Variants in ANKIB1 observed in about 807,000 individuals in gnomAD.
ANKIB1 encodes the protein ankyrin repeat and IBR domain containing 1, also known as ankyrin repeat and IBR domain-containing protein 1.
A neutral mutation model predicts 122.1 loss-of-function variants in ANKIB1; 43 were observed. The ratio of observed to expected loss-of-function variants is 0.35; its 90% CI spans 0.28 to 0.45. The LOEUF (loss-of-function observed/expected upper bound fraction) is 0.45. Among genes scored for constraint, ANKIB1 ranks in the 20% least tolerant of loss-of-function variants. ANKIB1 has a pLI of 1.00. For synonymous variants in ANKIB1, 390 were observed against 442.0 expected (o/e 0.88, Z 1.48); for missense variants, 992 against 1,329.5 (o/e 0.75, Z 3.95).
intron 9 of ANKIB1, among the ~76,000 whole-genome samples, chr7:92,353,878 T>G (rs1053265042): frequency 6.6e-6 from 1 of 152,186 alleles, no homozygotes; most frequent in African/African-American, 2.4e-5. Context: ...ACTGGAATCC[T>G]GGTTGAAAAA....
At chr7:92,329,464 G>C (rs1242755180) in intron 5 of ANKIB1, among the ~76,000 whole-genome samples, 1 of 152,204 alleles carries the variant, frequency 6.6e-6, no homozygotes, top group African/African-American at 2.4e-5. Context: ...AGTCTACCAA[G>C]TGGACCATTC....
chr7:92,301,020 G>A (rs950752032), intron 2 of ANKIB1, among the ~76,000 whole-genome samples: 1 of 152,022 alleles, frequency 6.6e-6, no homozygotes, highest in Middle Eastern at 3.2e-3. Flanking sequence ...GAAAATGGCA[G>A]GATTTCCTTC....
At chr7:92,364,100 G>T (rs928048152) in intron 10 of ANKIB1, among the ~76,000 whole-genome samples, 1 of 151,948 alleles carries the variant, frequency 6.6e-6, no homozygotes, top group South Asian at 2.1e-4. Context: ...TTGAGGTCTG[G>T]AGTTCAAGAC....
chr7:92,378,776 G>C (rs1464292170), intron 11 of ANKIB1, among the ~76,000 whole-genome samples: 1 of 152,178 alleles, frequency 6.6e-6, no homozygotes, highest in Non-Finnish European at 1.5e-5. Context: ...TGACGTGATT[G>C]TATACCTAGA....
intron 1 of ANKIB1, among the ~76,000 whole-genome samples, chr7:92,286,252 T>G (rs1684180366): frequency 6.6e-6 from 1 of 152,150 alleles, no homozygotes; most frequent in Non-Finnish European, 1.5e-5. Context: ...CCCACTTCCT[T>G]TGTCTCTTCT....
Position 92,400,302 on chromosome 7 carries a change from G to A in ANKIB1, c.*1353G>A, listed in dbSNP as rs184789951. The stretch of plus-strand genomic sequence containing the variant: ...CTAGTTATCAGTGTCTTACTGTGAA[G>A]AAAATACTGGTCTTAGTTGTAATTA... On this transcript the variant is annotated 3_prime_UTR_variant, in exon 20 of 20. Transcript: ENST00000265742. The A allele has an allele frequency of 6.4e-4, 98 of 152,318 alleles. No individual in the cohort carries two copies. Among genetic ancestry groups the A allele is most frequent in the African/African-American group, 2.2e-3 (93 of 41,576 alleles). The allele number at this position is 152,318 out of a possible 1,614,324, so 9.4% of individuals were successfully genotyped here.
chr7:92,322,132 G>GTAA (rs2131951835), intron 4 of ANKIB1, among the ~76,000 whole-genome samples: 1 of 152,180 alleles, frequency 6.6e-6, no homozygotes, highest in South Asian at 2.1e-4. Context: ...AATTTTTACT[G>GTAA]TAATAATTAG....
chr7:92,270,141 C>T (rs1801757126), intron 1 of ANKIB1, among the ~76,000 whole-genome samples: 2 of 152,286 alleles, frequency 1.3e-5, no homozygotes, highest in African/African-American at 4.8e-5. Flanking sequence ...CAGCTTACTA[C>T]AGCCTCGACT....
At chr7:92,262,185 T>A (rs1181723380) in intron 1 of ANKIB1, among the ~76,000 whole-genome samples, 1 of 152,204 alleles carries the variant, frequency 6.6e-6, no homozygotes, top group East Asian at 1.9e-4. Context: ...CCCTCCTAAA[T>A]GTAACTGTTA....
intron 1 of ANKIB1, among the ~76,000 whole-genome samples, chr7:92,277,327 G>A (rs534204854): frequency 2.1e-4 from 32 of 152,194 alleles, no homozygotes; most frequent in Non-Finnish European, 3.7e-4. Context: ...GACAGTCCTT[G>A]ACTTAATGAT....
At chr7:92,343,308 C>A in intron 6 of ANKIB1, 76 bp downstream of exon 6, 2 of 1,318,516 alleles carry the variant, frequency 1.5e-6, no homozygotes, top group Non-Finnish European at 2.1e-6. Context: ...TAATATTGTT[C>A]CATGGAGTGT....
chr7:92,287,675 A>C (rs1802159750), intron 1 of ANKIB1, among the ~76,000 whole-genome samples: 1 of 152,162 alleles, frequency 6.6e-6, no homozygotes, highest in Non-Finnish European at 1.5e-5. Context: ...TCTGTCCACA[A>C]ATTTTAAAAT....
intron 5 of ANKIB1, among the ~76,000 whole-genome samples, chr7:92,341,082 A>T (rs1803427867): frequency 6.6e-6 from 1 of 152,184 alleles, no homozygotes; most frequent in Non-Finnish European, 1.5e-5. Context: ...AGGTGGGCAG[A>T]TCACTTGAGG....
At chr7:92,372,600 A>G (rs1236228109) in intron 11 of ANKIB1, among the ~76,000 whole-genome samples, 1 of 152,190 alleles carries the variant, frequency 6.6e-6, no homozygotes, top group Non-Finnish European at 1.5e-5. Context: ...ATGCCAACCA[A>G]GATTCACTTG....
intron 1 of ANKIB1, among the ~76,000 whole-genome samples, chr7:92,264,251 T>G (rs1202071906): frequency 6.7e-6 from 1 of 149,838 alleles, no homozygotes; most frequent in African/African-American, 2.4e-5. Context: ...CTAAGTTACA[T>G]GTTTAAAAAA....
rs1287460166 is a variant in ANKIB1 at position 92,358,025 on chromosome 7, A to G, written c.1398-4160A>G. Among the ~76,000 whole-genome samples, 4 of 151,976 alleles carry G rather than the reference A, an allele frequency of 2.6e-5. No homozygotes were observed. The East Asian group carries it at 7.8e-4, about 30-fold the overall frequency. ...TGGGAGGCCGAGGCGGGCATATCAC[A>G]AGGTCAGGAGTTCAAGATCAGCCTG... is the stretch of plus-strand genomic sequence containing the variant. On this transcript the variant is annotated intron_variant, in intron 9 of 19. Transcript: ENST00000265742.
At chr7:92,306,193 C>T (rs1356692620) in intron 2 of ANKIB1, among the ~76,000 whole-genome samples, 1 of 152,086 alleles carries the variant, frequency 6.6e-6, no homozygotes, top group Non-Finnish European at 1.5e-5. Flanking sequence ...CTTAAAACAA[C>T]ACAAATCTTA....
chr7:92,278,823 A>T (rs1041315805), intron 1 of ANKIB1, among the ~76,000 whole-genome samples: 2 of 152,204 alleles, frequency 1.3e-5, no homozygotes, highest in Non-Finnish European at 2.9e-5. Context: ...TCCTTTAGTA[A>T]TCAAACTGTC....
At chr7:92,391,101 C>T (rs1804774331) in intron 15 of ANKIB1, 65 bp from the exon 16 acceptor site, 3 of 1,386,668 alleles carry the variant, frequency 2.2e-6, no homozygotes, top group African/African-American at 1.5e-5. Flanking sequence ...ACCACATAGA[C>T]CCTGGATTTG....
Sources: gnomAD v4.1 joint callset for allele counts (sites outside exome capture counted in the v4.1 genomes callset) on GRCh38, gnomAD v4.1.1 for gene constraint, MANE v1.5 for transcripts, NCBI Gene and HGNC (gene_info 2026-07-23, HGNC 2026-07-21) for gene names.